SLCO3A1: variants seen among roughly 807,000 people sequenced by gnomAD.
SLCO3A1 encodes the protein solute carrier organic anion transporter family member 3A1, also known as PGE1 transporter.
A neutral mutation model predicts 63.1 loss-of-function variants in SLCO3A1; 27 were observed. The observed-to-expected ratio is 0.43, with a 90% CI of 0.32 to 0.59. SLCO3A1 has a LOEUF of 0.59. Among genes scored for constraint, SLCO3A1 ranks in the 20% least tolerant of loss-of-function variants. SLCO3A1 has a pLI of 0.09. For synonymous variants in SLCO3A1, 473 were observed against 409.9 expected (o/e 1.15, Z -1.86); for missense variants, 773 against 945.8 (o/e 0.82, Z 2.40).
chr15:91,957,041 G>GTATATATAATATATAGTATATATAT (rs1900230312), intron 2 of SLCO3A1, among the ~76,000 whole-genome samples: 3 of 1,194 alleles, frequency 2.5e-3, no homozygotes, highest in African/African-American at 5.6e-3. Context: ...ATAATATATA[G>GTATATATAATATATAGTATATATAT]TATATATATA....
intron 2 of SLCO3A1, among the ~76,000 whole-genome samples, chr15:91,995,081 A>G (rs368378731): frequency 6.6e-5 from 10 of 152,244 alleles, no homozygotes; most frequent in African/African-American, 1.7e-4. Context: ...TATGCACAAC[A>G]CTCTACAGAG....
rs148195994 is a variant in SLCO3A1, at chr15:91,897,864, C to T, written c.181-18129C>T. On this transcript the variant is annotated intron_variant, in intron 1 of 9. Coordinates refer to ENST00000318445, the MANE Select transcript of SLCO3A1 (RefSeq NM_013272.4). This position sits in a 1 kb window ranked among gnomAD's most constrained non-coding sequence, Gnocchi z 4.7. ...TGAGCATGAGGATGGGTGCGGGAGG[C>T]GAAAGGCAGCTGAAACTGCAGGGCA... is the stretch of plus-strand genomic sequence containing the variant. Among the ~76,000 whole-genome samples, 1,451 of 152,200 alleles carry T rather than the reference C, an allele frequency of 9.5e-3. 10 individuals carry two copies. The highest frequency in any genetic ancestry group is 0.047 in the East Asian group (245 of 5,162).
rs778988234 is a variant in SLCO3A1, at chr15:91,882,201, G to T, written c.180+28113G>T. Among the ~76,000 whole-genome samples, 9 of 152,162 alleles carry T rather than the reference G, an allele frequency of 5.9e-5. No individual in the cohort carries two copies. The highest frequency in any genetic ancestry group is 1.2e-4 in the African/African-American group (5 of 41,438). On this transcript the variant is annotated intron_variant, in intron 1 of 9. Transcript: ENST00000318445. This position sits in a 1 kb window ranked among gnomAD's most constrained non-coding sequence, Gnocchi z 4.4. ...TGGTAATAGTGAGATCTATGCACAG[G>T]AGGGGGCATGTGAGGACTGAAACTC...
At chr15:91,989,495 C>G (rs1433744937) in intron 2 of SLCO3A1, among the ~76,000 whole-genome samples, 1 of 152,146 alleles carries the variant, frequency 6.6e-6, no homozygotes, top group Admixed American at 6.6e-5. Flanking sequence ...TTCCAGATCT[C>G]TCAGTCTATA....
At chr15:92,025,067 A>G (rs2151474852) in intron 2 of SLCO3A1, among the ~76,000 whole-genome samples, 1 of 151,744 alleles carries the variant, frequency 6.6e-6, no homozygotes, top group South Asian at 2.1e-4. Flanking sequence ...CCATCCTTCC[A>G]TCCTCTTAAT....
intron 2 of SLCO3A1, among the ~76,000 whole-genome samples, chr15:91,959,169 G>T (rs1900344785): frequency 6.6e-6 from 1 of 152,172 alleles, no homozygotes; most frequent in Admixed American, 6.5e-5. Flanking sequence ...TAGCTCAGGA[G>T]TGGAAAACCA....
chr15:92,067,532 C>A (rs1425748543), intron 2 of SLCO3A1, among the ~76,000 whole-genome samples: 1 of 152,202 alleles, frequency 6.6e-6, no homozygotes, highest in African/African-American at 2.4e-5. Context: ...CTTACACATT[C>A]ACAATCAGGA....
chr15:91,958,808 C>G (rs1239383204), intron 2 of SLCO3A1, among the ~76,000 whole-genome samples: 1 of 152,130 alleles, frequency 6.6e-6, no homozygotes, highest in Non-Finnish European at 1.5e-5. Flanking sequence ...GGGACACTTT[C>G]CCACTGCTAG....
intron 7 of SLCO3A1, among the ~76,000 whole-genome samples, chr15:92,143,838 C>T (rs556300652): frequency 1.3e-5 from 2 of 152,222 alleles, no homozygotes; most frequent in South Asian, 4.1e-4. Flanking sequence ...CCTCACTAGA[C>T]GCCCCTGGCA....
intron 2 of SLCO3A1, among the ~76,000 whole-genome samples, chr15:91,938,491 T>G (rs1019635764): frequency 6.6e-6 from 1 of 151,918 alleles, no homozygotes; most frequent in Non-Finnish European, 1.5e-5. Flanking sequence ...TGTTTTTTTT[T>G]TTTTTTGGTA....
intron 2 of SLCO3A1, among the ~76,000 whole-genome samples, chr15:92,088,481 T>C (rs2047432196): frequency 6.6e-6 from 1 of 152,258 alleles, no homozygotes. Flanking sequence ...TTAACGATTG[T>C]ATTAGTTTTC....
intron 2 of SLCO3A1, among the ~76,000 whole-genome samples, chr15:92,052,019 C>T (rs1244518476): frequency 6.6e-6 from 1 of 152,132 alleles, no homozygotes; most frequent in Admixed American, 6.5e-5. Context: ...AAAGCAGGCT[C>T]CGGTCTCCTA....
chr15:92,025,607 T>C (rs2046563907), intron 2 of SLCO3A1, among the ~76,000 whole-genome samples: 1 of 152,200 alleles, frequency 6.6e-6, no homozygotes, highest in East Asian at 1.9e-4. Context: ...ACAAGGCAGG[T>C]ATATCCTATT....
chr15:91,975,609 G>A lies in SLCO3A1; in HGVS notation c.646+59151G>A, dbSNP rs8029725. On this transcript the variant is annotated intron_variant, in intron 2 of 9. Transcript: ENST00000318445. ...GGCAGCAGGTTCTAGGGCCAGGGGG[G>A]CACCCTGCCAGCTTCTGTCTCCAGC... Among the ~76,000 whole-genome samples, 768 of 152,326 alleles carry A rather than the reference G, an allele frequency of 5.0e-3. 7 individuals are homozygous for A. The highest frequency in any genetic ancestry group is 0.018 in the African/African-American group (730 of 41,564).
At chr15:92,028,946 C>CGTGTGTGTGTGT (rs1555425656) in intron 2 of SLCO3A1, among the ~76,000 whole-genome samples, 20 of 23,878 alleles carry the variant, frequency 8.4e-4, no homozygotes, top group African/African-American at 4.0e-3. Flanking sequence ...TGTGTGTGTA[C>CGTGTGTGTGTGT]GTACATGAGA....
chr15:91,937,225 C>T (rs563687282), intron 2 of SLCO3A1, among the ~76,000 whole-genome samples: 103 of 152,248 alleles, frequency 6.8e-4, no homozygotes, highest in Middle Eastern at 3.4e-3. Flanking sequence ...TTAGAGATGG[C>T]GTTAATAAGG....
Position 91,916,162 on chromosome 15 carries a change from C to G in SLCO3A1, c.350C>G (p.Ala117Gly). The G allele has an allele frequency of 6.2e-7, 1 of 1,604,950 alleles. No homozygotes were observed. Among genetic ancestry groups the G allele is most frequent in the Non-Finnish European group, 8.5e-7 (1 of 1,177,732 alleles). ...RLIGCGGIVM[A>G]LGALLSALPE... ...ATCGGCTGCGGCGGCATCGTCATGGCGCTGGGCGCGCTGCTGTCGGCGCTG... is the reference window on the plus strand; with the variant it reads ...ATCGGCTGCGGCGGCATCGTCATGGGGCTGGGCGCGCTGCTGTCGGCGCTG... The change falls in exon 2 of 10, where the codon GCG becomes GGG. Residue 117 changes from alanine (A) to glycine (G), a missense_variant. This residue lies in a region of SLCO3A1 where 565 missense variants were observed against 749.8 expected (regional missense o/e 0.75). Coordinates refer to ENST00000318445, the MANE Select transcript of SLCO3A1 (RefSeq NM_013272.4). The surrounding 1 kb of genome is among the most constrained non-coding windows in gnomAD (Gnocchi z 6.2).
At chr15:92,122,542 T>C (rs1435333841) in intron 5 of SLCO3A1, among the ~76,000 whole-genome samples, 7 of 152,228 alleles carry the variant, frequency 4.6e-5, no homozygotes, top group Non-Finnish European at 8.8e-5. Flanking sequence ...ACTCGCATAC[T>C]TGGCCAGTGG....
chr15:92,091,866 G>T (rs958723493), intron 2 of SLCO3A1, among the ~76,000 whole-genome samples: 7 of 152,214 alleles, frequency 4.6e-5, no homozygotes, highest in African/African-American at 1.7e-4. Flanking sequence ...CTGAAACCCA[G>T]ATGAGAACAG....
Sources: allele counts gnomAD v4.1 joint callset (sites outside exome capture counted in the v4.1 genomes callset), GRCh38; gene constraint gnomAD v4.1.1; regional missense constraint gnomAD v4.1.1; non-coding constraint Gnocchi (gnomAD v3.1); transcripts MANE v1.5; gene names NCBI Gene and HGNC (gene_info 2026-07-23, HGNC 2026-07-21).